TULP4: variants seen among roughly 807,000 people sequenced by gnomAD.
TULP4 encodes TUB like protein 4.
TULP4 carries 16 observed loss-of-function variants against 129.0 expected under a neutral mutation model. The ratio of observed to expected loss-of-function variants is 0.12; its 90% CI spans 0.08 to 0.19. The LOEUF (loss-of-function observed/expected upper bound fraction) is 0.19. Ranked by LOEUF, TULP4 falls within the 10% of genes least tolerant of loss-of-function variation. The pLI, the probability that TULP4 is intolerant of heterozygous loss-of-function variation, is 1.00. For missense variants in TULP4, 1,842 were observed against 2,059.1 expected, an observed-to-expected ratio of 0.89 and a Z score of 2.04; for synonymous variants, 998 against 854.0, an observed-to-expected ratio of 1.17 and a Z score of -2.94.
intron 1 of TULP4, among the ~76,000 whole-genome samples, chr6:158,298,825 G>A (rs1779083947): frequency 6.6e-6 from 1 of 152,194 alleles, no homozygotes; most frequent in Non-Finnish European, 1.5e-5. Flanking sequence ...AATGCCCAAT[G>A]TTCTGCGCCA....
chr6:158,469,927 G>A (rs945657032), intron 6 of TULP4, among the ~76,000 whole-genome samples: 3 of 152,088 alleles, frequency 2.0e-5, no homozygotes, highest in East Asian at 2.0e-4. Context: ...GAATGGCGGC[G>A]GGCCACTTCC....
chr6:158,429,714 C>T, intron 2 of TULP4, 22 bp from the exon 3 acceptor site: 1 of 1,597,974 alleles, frequency 6.3e-7, no homozygotes. Context: ...CAAATTGACT[C>T]TTTTCTGTGT....
intron 1 of TULP4, chr6:158,237,574 T>C: frequency 1.3e-6 from 2 of 1,535,916 alleles, no homozygotes; most frequent in Middle Eastern, 1.7e-4. Context: ...ATCCTTCTTT[T>C]TACCCTTCTT....
Position 158,508,557 on chromosome 6 carries a change from A to G in TULP4, c.*1863A>G, listed in dbSNP as rs9457379. On this transcript the variant is annotated 3_prime_UTR_variant, in exon 14 of 14. Coordinates refer to ENST00000367097, the MANE Select transcript of TULP4 (RefSeq NM_020245.5). ...TGGACCTGATATTTTTAGTGGGTGC[A>G]TTCTTCCAGAAAGAATTCAGCAATG... 388 of 152,718 alleles carry G rather than the reference A, an allele frequency of 2.5e-3. 6 individuals carry two copies. The highest frequency in any genetic ancestry group is 9.1e-3 in the African/African-American group (378 of 41,568). 9.5% of individuals were successfully genotyped at this position (152,718 alleles called of 1,614,324 possible).
chr6:158,439,728 T>TC (rs1440772178), intron 3 of TULP4, among the ~76,000 whole-genome samples: 2 of 117,710 alleles, frequency 1.7e-5, no homozygotes, highest in Non-Finnish European at 3.7e-5. Context: ...TTTTTTTTTT[T>TC]TGAGACGGAG....
intron 1 of TULP4, among the ~76,000 whole-genome samples, chr6:158,256,816 A>G (rs761949373): frequency 5.3e-5 from 8 of 152,052 alleles, no homozygotes; most frequent in East Asian, 1.9e-4. Flanking sequence ...CTTCCCCCCT[A>G]TGCTTTTAAG....
At chr6:158,456,866 A>C (rs1341641696) in intron 5 of TULP4, among the ~76,000 whole-genome samples, 1 of 152,082 alleles carries the variant, frequency 6.6e-6, no homozygotes. Flanking sequence ...AGTGTACCAA[A>C]ACACCATACT....
chr6:158,273,721 C>T (rs1221059454), intron 1 of TULP4, among the ~76,000 whole-genome samples: 3 of 152,198 alleles, frequency 2.0e-5, no homozygotes, highest in African/African-American at 4.8e-5. Context: ...AAAAATATTA[C>T]ACGAATTAAC....
intron 1 of TULP4, among the ~76,000 whole-genome samples, chr6:158,386,416 G>A (rs569946305): frequency 2.9e-4 from 44 of 152,186 alleles, no homozygotes; most frequent in African/African-American, 1.1e-3. Flanking sequence ...AGTCTTTCAT[G>A]GTGACAAAAT....
chr6:158,422,323 T>C (rs2115034780), intron 2 of TULP4, among the ~76,000 whole-genome samples: 1 of 152,314 alleles, frequency 6.6e-6, no homozygotes, highest in Admixed American at 6.5e-5. Flanking sequence ...TAACCAAACG[T>C]AAATTATAAG....
chr6:158,241,834 C>T (rs1174705508), intron 1 of TULP4: 1 of 597,802 alleles, frequency 1.7e-6, no homozygotes, highest in East Asian at 3.2e-5. Context: ...ACCTTGTGAT[C>T]TGCCTGCCTC....
chr6:158,410,509 A>G (rs1032040272), intron 1 of TULP4, among the ~76,000 whole-genome samples: 2 of 152,242 alleles, frequency 1.3e-5, no homozygotes, highest in East Asian at 1.9e-4. Context: ...CTGATCAGTC[A>G]TGAACATCGT....
intron 6 of TULP4, among the ~76,000 whole-genome samples, chr6:158,464,983 C>T (rs678116): frequency 0.42 from 63,293 of 151,798 alleles, 14,446 homozygotes; most frequent in African/African-American, 0.62. Context: ...CTTTGATTTC[C>T]TTCAACGTGA....
intron 1 of TULP4, among the ~76,000 whole-genome samples, chr6:158,374,584 A>G (rs960040289): frequency 6.6e-6 from 1 of 152,230 alleles, no homozygotes. Context: ...CTTTTTTCCC[A>G]TGTAATTTCA....
rs1780637941 is a variant in TULP4, at chr6:158,507,757, C to T, written c.*1063C>T. ...TCCCATTCTAAAAGTGTGGACAACGCTTGATTTGAAACCACTCCTTTTCTC... is the reference window on the plus strand; with the variant it reads ...TCCCATTCTAAAAGTGTGGACAACGTTTGATTTGAAACCACTCCTTTTCTC... On this transcript the variant is annotated 3_prime_UTR_variant, in exon 14 of 14. Transcript: ENST00000367097. 1 of 152,180 alleles carries T rather than the reference C, an allele frequency of 6.6e-6. No homozygotes were observed. Among genetic ancestry groups the T allele is most frequent in the African/African-American group, 2.4e-5 (1 of 41,446 alleles). The allele number at this position is 152,180 out of a possible 1,614,324, so 9.4% of individuals were successfully genotyped here. A position where few individuals can be genotyped will look rare whatever the true frequency, so the allele number is the denominator to read the frequency against.
rs373882671 is a variant in TULP4, at chr6:158,314,265, C to T, written c.249C>T (p.Ser83=). Residue 83 remains serine (S), a synonymous_variant, in exon 1 of 14, where the codon AGC becomes AGT. Coordinates refer to ENST00000367097, the MANE Select transcript of TULP4 (RefSeq NM_020245.5). ...RINFNLRGHN[S]EVVLVRWNEP... ...ATTTCAACCTCCGGGGCCACAATAG[C>T]GAGGTGAGCTGTGGTTTTGTTTCAC... The T allele has an allele frequency of 1.6e-5, 26 of 1,612,764 alleles. No homozygotes were observed. The highest frequency in any genetic ancestry group is 1.5e-4 in the African/African-American group (11 of 75,034).
intron 1 of TULP4, among the ~76,000 whole-genome samples, chr6:158,244,043 A>G (rs1448964150): frequency 6.6e-6 from 1 of 151,968 alleles, no homozygotes; most frequent in African/African-American, 2.4e-5. Flanking sequence ...AGGGTTTTAA[A>G]TTTTTTCGCA....
chr6:158,409,299 T>C (rs1307149925), intron 1 of TULP4, among the ~76,000 whole-genome samples: 1 of 152,182 alleles, frequency 6.6e-6, no homozygotes, highest in East Asian at 1.9e-4. Flanking sequence ...GAACATGTCT[T>C]ATATTGGAGA....
At chr6:158,304,974 A>T (rs1230478620) in intron 1 of TULP4, among the ~76,000 whole-genome samples, 2 of 152,048 alleles carry the variant, frequency 1.3e-5, no homozygotes, top group Non-Finnish European at 2.9e-5. Flanking sequence ...GCCCATTTTT[A>T]CCATTTTTAA....
Sources: gnomAD v4.1 joint callset for allele counts (sites outside exome capture counted in the v4.1 genomes callset) on GRCh38, gnomAD v4.1.1 for gene constraint, MANE v1.5 for transcripts, NCBI Gene and HGNC (gene_info 2026-07-23, HGNC 2026-07-21) for gene names.